EED: variants seen among roughly 807,000 people sequenced by gnomAD.
EED encodes polycomb protein EED.
In EED, 9 loss-of-function variants were observed where a neutral mutation model predicts 61.0. The ratio of observed to expected loss-of-function variants is 0.15; its 90% CI spans 0.09 to 0.26. The LOEUF is 0.26. Ranked by LOEUF, EED falls within the 10% of genes least tolerant of loss-of-function variation. EED has a pLI of 1.00. For missense variants in EED, 315 were observed against 542.3 expected (o/e 0.58, Z 4.16); for synonymous variants, 187 against 174.4 (o/e 1.07, Z -0.57).
chr11:86,274,393 A>AT (rs1565704561), intron 9 of EED, among the ~76,000 whole-genome samples: 1 of 152,068 alleles, frequency 6.6e-6, no homozygotes, highest in Non-Finnish European at 1.5e-5. Context: ...TAAAAAGTTG[A>AT]TTTTTATGAT....
intron 1 of EED, among the ~76,000 whole-genome samples, chr11:86,249,338 C>A (rs1195150763): frequency 2.3e-4 from 35 of 150,474 alleles, no homozygotes; most frequent in Middle Eastern, 6.8e-3. Flanking sequence ...TAAAAATAGC[C>A]CCTAAAGCAG....
At chr11:86,270,300 G>A in intron 9 of EED, 1 of 415,086 alleles carries the variant, frequency 2.4e-6, no homozygotes, top group South Asian at 7.2e-5. Flanking sequence ...ATCCTTTTTG[G>A]TGATGTCTTT....
the EED span, among the ~76,000 whole-genome samples, chr11:86,284,834 G>A: frequency 1.3e-5 from 2 of 152,166 alleles, no homozygotes; most frequent in Admixed American, 6.5e-5. Context: ...TCCTTGGGCC[G>A]GGTGCGGTGG....
chr11:86,272,605 G>A (rs1946143596), intron 9 of EED, among the ~76,000 whole-genome samples: 1 of 152,196 alleles, frequency 6.6e-6, no homozygotes, highest in Non-Finnish European at 1.5e-5. Context: ...GAAATCTTCA[G>A]TTACAATGTG....
At chr11:86,270,436 G>A (rs186905905) in intron 9 of EED, among the ~76,000 whole-genome samples, 110 of 148,944 alleles carry the variant, frequency 7.4e-4, no homozygotes, top group African/African-American at 2.3e-3. Context: ...TACATAGTTT[G>A]CAAATATTTT....
chr11:86,277,716 A>T, intron 10 of EED: 2 of 354,080 alleles, frequency 5.6e-6, no homozygotes, highest in Non-Finnish European at 9.9e-6. Flanking sequence ...ATGCCTTCTT[A>T]CTTGCTCAAG....
downstream of EED, among the ~76,000 whole-genome samples, chr11:86,280,029 A>G (rs1226542707): frequency 6.6e-6 from 1 of 152,204 alleles, no homozygotes; most frequent in African/African-American, 2.4e-5. Context: ...ACTGGGTGAG[A>G]ATATCATCTT....
At position 86,256,451 on chromosome 11, in the gene EED, C is replaced by T; in HGVS notation, c.491C>T (p.Ala164Val). 6.2e-7 allele frequency: 1 copy of T among 1,612,646 alleles called. No homozygotes were observed. The highest frequency in any genetic ancestry group is 8.5e-7 in the Non-Finnish European group (1 of 1,178,992). ...AGCAATACGAGCCATCCTCTGCTGG[C>T]TGTAGCTGGATCTAGAGGCATAATT... Reference protein sequence around the residue: ...YDSNTSHPLLAVAGSRGIIRI... With the variant: ...YDSNTSHPLLVVAGSRGIIRI... The change falls in exon 5 of 12, where the codon GCT (alanine) becomes GTT (valine). Residue 164 changes from alanine (A) to valine (V), a missense_variant. Ala to Val is a moderately conservative substitution (Grantham distance 64, BLOSUM62 0). Around this residue, in one of 2 missense-constraint regions of EED, gnomAD observed 205 missense variants for 455.4 expected, o/e 0.45. Coordinates refer to ENST00000263360, the MANE Select transcript of EED (RefSeq NM_003797.5).
intron 9 of EED, among the ~76,000 whole-genome samples, chr11:86,269,773 A>C (rs59176902): frequency 0.018 from 2,783 of 152,242 alleles, 95 homozygotes; most frequent in African/African-American, 0.063. Flanking sequence ...GGACCTTTTA[A>C]GATTGTTTTT....
At chr11:86,264,374 C>CA (rs1188156019) in intron 7 of EED, 111 bp downstream of exon 7, 1 of 653,910 alleles carries the variant, frequency 1.5e-6, no homozygotes, top group African/African-American at 1.8e-5. Context: ...GTCAGGCAGA[C>CA]ATTCACTTAC....
chr11:86,271,764 C>T (rs1946116093), intron 9 of EED, among the ~76,000 whole-genome samples: 1 of 151,822 alleles, frequency 6.6e-6, no homozygotes, highest in Admixed American at 6.6e-5. Context: ...CTTGTGTTGC[C>T]TATTAATATA....
intron 6 of EED, among the ~76,000 whole-genome samples, chr11:86,262,088 C>T (rs576749415): frequency 6.6e-6 from 1 of 152,252 alleles, no homozygotes; most frequent in Admixed American, 6.5e-5. Flanking sequence ...TGCTATGTTG[C>T]CCAGGCTGGT....
intron 9 of EED, chr11:86,270,089 C>T (rs772998689): frequency 1.6e-5 from 11 of 698,270 alleles, no homozygotes; most frequent in African/African-American, 7.0e-5. Flanking sequence ...CCAGAGTGGC[C>T]GTGCCATTTT....
intron 9 of EED, among the ~76,000 whole-genome samples, chr11:86,272,355 G>A (rs1208203306): frequency 1.3e-5 from 2 of 151,950 alleles, no homozygotes; most frequent in South Asian, 2.1e-4. Flanking sequence ...ACCGCGCCCG[G>A]CCACTGTTGG....
chr11:86,274,012 GT>G (rs1376787702), intron 9 of EED, among the ~76,000 whole-genome samples: 1 of 151,630 alleles, frequency 6.6e-6, no homozygotes, highest in East Asian at 1.9e-4. Context: ...TACTCAAATT[GT>G]TTTTCAGCCC....
intron 8 of EED, 104 bp from the exon 9 acceptor site, chr11:86,268,352 C>A: frequency 1.5e-6 from 1 of 685,994 alleles, no homozygotes; most frequent in Non-Finnish European, 2.4e-6. Flanking sequence ...AATTAATAGT[C>A]TTACATTTTG....
At chr11:86,281,908 A>G (rs1229452568), downstream of EED, among the ~76,000 whole-genome samples, 2 of 152,250 alleles carry the variant, frequency 1.3e-5, no homozygotes, top group Non-Finnish European at 2.9e-5. Context: ...CTTAGGAAAG[A>G]TAAAACCAGC....
chr11:86,283,424 C>G (rs543980115), downstream of EED, among the ~76,000 whole-genome samples: 435 of 152,310 alleles, frequency 2.9e-3, 3 homozygotes, highest in African/African-American at 0.01. Context: ...TTATCACCTA[C>G]TATACTGCGT....
chr11:86,273,481 C>G (rs1189667888), intron 9 of EED, among the ~76,000 whole-genome samples: 1 of 152,204 alleles, frequency 6.6e-6, no homozygotes, highest in Non-Finnish European at 1.5e-5. Context: ...TATATTGACT[C>G]ATTTTGCATT....
Sources: gnomAD v4.1 joint callset for allele counts (sites outside exome capture counted in the v4.1 genomes callset) on GRCh38, gnomAD v4.1.1 for gene constraint, gnomAD v4.1.1 regional missense constraint, MANE v1.5 for transcripts, NCBI Gene and HGNC (gene_info 2026-07-23, HGNC 2026-07-21) for gene names.